ANKRD18A: variants seen among roughly 807,000 people sequenced by gnomAD.
The protein encoded by ANKRD18A is ankyrin repeat domain-containing protein 18A.
In ANKRD18A, 72 loss-of-function variants were observed where a neutral mutation model predicts 110.6. The ratio of observed to expected loss-of-function variants is 0.65; its 90% CI spans 0.54 to 0.79. The LOEUF is 0.79. Ranked by LOEUF, ANKRD18A falls within the 30% of genes least tolerant of loss-of-function variation. ANKRD18A has a pLI of 0.00. For synonymous variants in ANKRD18A, 305 were observed against 410.3 expected, an observed-to-expected ratio of 0.74 and a Z score of 3.10; for missense variants, 934 against 1,163.3, an observed-to-expected ratio of 0.80 and a Z score of 2.87.
intron 12 of ANKRD18A, among the ~76,000 whole-genome samples, chr9:38,582,235 A>G (rs1044175789): frequency 1.3e-5 from 2 of 152,196 alleles, no homozygotes; most frequent in African/African-American, 4.8e-5. Flanking sequence ...TTTACTGAAA[A>G]TGAAACTATA....
chr9:38,578,280 G>A (rs1349657775), intron 12 of ANKRD18A, 132 bp from the exon 13 acceptor site: 1 of 851,294 alleles, frequency 1.2e-6, no homozygotes, highest in Non-Finnish European at 1.7e-6. Context: ...TTCTTCAAAT[G>A]TGAACCCTTA....
Position 38,601,210 on chromosome 9 carries a change from A to G in ANKRD18A, c.863-6T>C, listed in dbSNP as rs1825106984. 3 of 1,552,592 alleles carry G rather than the reference A, an allele frequency of 1.9e-6. No individual in the cohort carries two copies. The highest frequency in any genetic ancestry group is 2.6e-6 in the Non-Finnish European group (3 of 1,147,006). ...CACTTTTAGGTTGTGTTCTGCTGACAAATCCATATGTTTAGTTAAAATGAA... is the reference window on the plus strand; with the variant it reads ...CACTTTTAGGTTGTGTTCTGCTGACGAATCCATATGTTTAGTTAAAATGAA... On this transcript the variant is annotated splice_region_variant and splice_polypyrimidine_tract_variant and intron_variant, in intron 7 of 15. Coordinates refer to ENST00000399703, the MANE Select transcript of ANKRD18A (RefSeq NM_147195.4).
downstream of ANKRD18A, chr9:38,569,211 T>C: frequency 1.0e-6 from 1 of 982,040 alleles, no homozygotes; most frequent in Non-Finnish European, 1.2e-6. Flanking sequence ...GTCCTGGTGG[T>C]CCTGGGGGTG....
chr9:38,586,238 T>A lies in ANKRD18A; in HGVS notation c.2192A>T (p.Asp731Val). Residue 731 changes from aspartate to valine, a missense_variant, in exon 12 of 16, where the codon GAC becomes GTC. Asp to Val is a radical substitution (Grantham distance 152). This residue lies in a region of ANKRD18A where 79 missense variants were observed against 122.8 expected (regional missense o/e 0.64). Transcript: ENST00000399703. ...FANEDFSCHGDLNTDQLKMDI... is the reference protein window; with the variant it reads ...FANEDFSCHGVLNTDQLKMDI... ...CATTTTCAGTTGGTCTGTATTTAAG[T>A]CTCCATGGCAACTGAAGTCCTCATT... 1.2e-6 allele frequency: 2 copies of A among 1,611,068 alleles called. No individual in the cohort carries two copies. The highest frequency in any genetic ancestry group is 1.7e-6 in the Non-Finnish European group (2 of 1,178,602).
chr9:38,616,867 T>C (rs1226293109), intron 1 of ANKRD18A, among the ~76,000 whole-genome samples: 2 of 152,224 alleles, frequency 1.3e-5, no homozygotes, highest in African/African-American at 4.8e-5. Flanking sequence ...TTTTAGCATA[T>C]CTGATATTGG....
At chr9:38,587,737 A>T (rs1824447074) in intron 11 of ANKRD18A, among the ~76,000 whole-genome samples, 1 of 152,242 alleles carries the variant, frequency 6.6e-6, no homozygotes, top group East Asian at 1.9e-4. Flanking sequence ...ATAAAAATTC[A>T]AACTAGATAA....
intron 7 of ANKRD18A, among the ~76,000 whole-genome samples, chr9:38,602,928 A>G (rs1825185070): frequency 6.6e-6 from 1 of 152,240 alleles, no homozygotes; most frequent in Admixed American, 6.5e-5. Flanking sequence ...TCAGCCTCCA[A>G]CACTGACTCA....
intron 10 of ANKRD18A, among the ~76,000 whole-genome samples, chr9:38,591,879 C>A (rs1172957759): frequency 3.9e-5 from 6 of 152,176 alleles, no homozygotes; most frequent in Non-Finnish European, 8.8e-5. Context: ...ATTGCTAAAT[C>A]AAGTCTTCTG....
chr9:38,588,610 C>T lies in ANKRD18A; in HGVS notation c.2058G>A (p.Leu686=). ...TTCTTATTTGGTCCGCAGTATAGTT[C>T]AGTAATGATATTAATTCAAAAAGTT... is the stretch of plus-strand genomic sequence containing the variant. The part of the protein sequence containing the change: ...FRKLFELISL[L]NYTADQIRKK... The change falls in exon 11 of 16, where the codon CTG becomes CTA. Residue 686 remains leucine, a synonymous_variant. Transcript: ENST00000399703. 1 of 1,395,434 alleles carries T rather than the reference C, an allele frequency of 7.2e-7. No individual in the cohort carries two copies. 86.4% of individuals were successfully genotyped at this position (1,395,434 alleles called of 1,614,324 possible).
At chr9:38,570,069 C>T (rs1823584051), downstream of ANKRD18A, among the ~76,000 whole-genome samples, 1 of 152,148 alleles carries the variant, frequency 6.6e-6, no homozygotes, top group Admixed American at 6.5e-5. Context: ...GGCTAACTGG[C>T]CAGGTTCCTA....
At chr9:38,576,904 A>T in intron 14 of ANKRD18A, 149 bp downstream of exon 14, 3 of 671,352 alleles carry the variant, frequency 4.5e-6, no homozygotes, top group Non-Finnish European at 5.0e-6. Flanking sequence ...TAAAGGTAGG[A>T]TTATTTACTA....
downstream of ANKRD18A, chr9:38,568,960 T>C: frequency 3.0e-6 from 3 of 985,412 alleles, no homozygotes; most frequent in Non-Finnish European, 3.6e-6. Context: ...ACGTTCACCC[T>C]TCCCTCCAGG....
chr9:38,603,797 C>G (rs1447955022), intron 6 of ANKRD18A, among the ~76,000 whole-genome samples: 1 of 152,194 alleles, frequency 6.6e-6, no homozygotes, highest in Non-Finnish European at 1.5e-5. Context: ...CAATGAATTT[C>G]TAGAGCAAAC....
At chr9:38,591,115 C>A (rs1313616979) in intron 10 of ANKRD18A, among the ~76,000 whole-genome samples, 1 of 151,982 alleles carries the variant, frequency 6.6e-6, no homozygotes, top group African/African-American at 2.4e-5. Context: ...CATGCACCAC[C>A]ATGCCCCAGC....
rs114451818 is a variant in ANKRD18A, at chr9:38,595,437, A to G, written c.1854+49T>C. 1,959 of 1,387,212 alleles carry G rather than the reference A, an allele frequency of 1.4e-3. 19 individuals carry two copies. The African/African-American group carries it at 0.024, about 17-fold the overall frequency. 85.9% of individuals were successfully genotyped at this position (1,387,212 alleles called of 1,614,324 possible). On this transcript the variant is annotated intron_variant, in intron 9 of 15. Transcript: ENST00000399703. ...CTAGGTTCAACATATAGCCAGAATG[A>G]AATATTTAAATTTTCTTTCCAGAAG...
intron 1 of ANKRD18A, among the ~76,000 whole-genome samples, chr9:38,618,782 A>T (rs1362020551): frequency 3.3e-5 from 5 of 151,944 alleles, no homozygotes; most frequent in Non-Finnish European, 5.9e-5. Context: ...TGCTTTGCTC[A>T]CTTCTAGAGT....
rs2489064 is a variant in ANKRD18A, at chr9:38,607,206, G to A, written c.808+220C>T. ...CGAGTAGCTGGGATTACAGGCGCCC[G>A]CCATGATGCCCAGCTAATTTTTGTA... On this transcript the variant is annotated intron_variant, in intron 6 of 15. Coordinates refer to ENST00000399703, the MANE Select transcript of ANKRD18A (RefSeq NM_147195.4). 5.5e-3 allele frequency among the ~76,000 whole-genome samples: 843 copies of A among 152,156 alleles called. 1 individual carries two copies. The highest frequency in any genetic ancestry group is 0.01 in the Middle Eastern group (3 of 294).
intron 6 of ANKRD18A, 99 bp downstream of exon 6, chr9:38,607,327 G>A: frequency 1.0e-6 from 1 of 994,262 alleles, no homozygotes. Flanking sequence ...AAAGTGCTGG[G>A]ATTACAGGTG....
chr9:38,619,975 C>G, intron 1 of ANKRD18A, 105 bp downstream of exon 1: 2 of 1,392,664 alleles, frequency 1.4e-6, no homozygotes, highest in Non-Finnish European at 1.9e-6. Flanking sequence ...TCCGCTGCTC[C>G]GAGGGTGCCC....
Sources: allele counts gnomAD v4.1 joint callset (sites outside exome capture counted in the v4.1 genomes callset), GRCh38; gene constraint gnomAD v4.1.1; regional missense constraint gnomAD v4.1.1; transcripts MANE v1.5; gene names NCBI Gene and HGNC (gene_info 2026-07-23, HGNC 2026-07-21).